CNTNAP2: variants seen among roughly 807,000 people sequenced by gnomAD.
The protein encoded by CNTNAP2 is contactin-associated protein-like 2.
CNTNAP2 carries 98 observed loss-of-function variants against 155.2 expected under a neutral mutation model. The ratio of observed to expected loss-of-function variants is 0.63; its 90% CI spans 0.54 to 0.75. CNTNAP2 has a LOEUF of 0.75. CNTNAP2 is among the 30% of genes least tolerant of loss of function. The pLI is 0.00. For synonymous variants in CNTNAP2, 651 were observed against 631.2 expected, an observed-to-expected ratio of 1.03 and a Z score of -0.47; for missense variants, 1,727 against 1,688.1, an observed-to-expected ratio of 1.02 and a Z score of -0.40.
At chr7:146,119,215 A>G (rs908578155) in intron 1 of CNTNAP2, among the ~76,000 whole-genome samples, 1 of 152,176 alleles carries the variant, frequency 6.6e-6, no homozygotes. Flanking sequence ...ATCTAAAACT[A>G]TCATTTTTCT....
chr7:147,522,778 A>AC (rs1799251048), intron 11 of CNTNAP2, among the ~76,000 whole-genome samples: 5 of 150,332 alleles, frequency 3.3e-5, no homozygotes, highest in South Asian at 2.1e-4. Context: ...CAAAAAAAAA[A>AC]CAAAAAAACA....
chr7:147,540,692 A>C (rs532643546), intron 11 of CNTNAP2, among the ~76,000 whole-genome samples: 1 of 152,088 alleles, frequency 6.6e-6, no homozygotes, highest in Non-Finnish European at 1.5e-5. Flanking sequence ...TAAGCTGGGC[A>C]TGGTGGCACG....
At chr7:146,270,946 G>A (rs1800072281) in intron 1 of CNTNAP2, among the ~76,000 whole-genome samples, 1 of 151,974 alleles carries the variant, frequency 6.6e-6, no homozygotes. Flanking sequence ...ACTATATAGA[G>A]TTATAGAAAT....
chr7:147,591,366 T>A (rs2116844192), intron 12 of CNTNAP2, among the ~76,000 whole-genome samples: 1 of 152,274 alleles, frequency 6.6e-6, no homozygotes, highest in South Asian at 2.1e-4. Flanking sequence ...TCTTTCCTCA[T>A]TTCCTCTTCT....
intron 13 of CNTNAP2, among the ~76,000 whole-genome samples, chr7:147,884,638 T>C (rs978380578): frequency 5.3e-5 from 8 of 152,176 alleles, no homozygotes; most frequent in Admixed American, 5.2e-4. Flanking sequence ...TTTCCTGCTG[T>C]TGTCAGGAAA....
chr7:147,295,551 T>C (rs767318791), intron 8 of CNTNAP2, among the ~76,000 whole-genome samples: 2 of 152,090 alleles, frequency 1.3e-5, no homozygotes, highest in African/African-American at 2.4e-5. Context: ...AAGCAAAGTA[T>C]CACCATGGCT....
chr7:148,045,247 A>G (rs1183986143), intron 15 of CNTNAP2, among the ~76,000 whole-genome samples: 2 of 151,992 alleles, frequency 1.3e-5, no homozygotes, highest in Admixed American at 6.6e-5. Flanking sequence ...AGAGATCACA[A>G]GAGACCTCAG....
intron 21 of CNTNAP2, among the ~76,000 whole-genome samples, chr7:148,347,020 G>T (rs1241825331): frequency 4.6e-5 from 7 of 151,952 alleles, no homozygotes; most frequent in African/African-American, 1.7e-4. Context: ...ACTTTGGGAG[G>T]CCGAGGCTGG....
In CNTNAP2 at chr7:146,871,559, T is replaced by C. The variant is rs575977626; in HGVS notation, c.402+31655T>C. 9.2e-4 allele frequency among the ~76,000 whole-genome samples: 140 copies of C among 151,512 alleles called. 1 individual carries two copies. The highest frequency in any genetic ancestry group is 3.2e-3 in the African/African-American group (134 of 41,382). On this transcript the variant is annotated intron_variant, in intron 3 of 23. Coordinates refer to ENST00000361727, the MANE Select transcript of CNTNAP2 (RefSeq NM_014141.6). ...AAAATAAATAAATAAATTAAATAAA[T>C]AAATTAAAAAATGATATAGCTACAT... is the stretch of plus-strand genomic sequence containing the variant.
intron 11 of CNTNAP2, among the ~76,000 whole-genome samples, chr7:147,502,904 A>G (rs1351536501): frequency 6.6e-6 from 1 of 152,192 alleles, no homozygotes. Flanking sequence ...TTTTGAGGCA[A>G]GGACTCTATT....
At position 147,207,326 on chromosome 7, in the gene CNTNAP2, G is replaced by C. The variant is rs141076326; in HGVS notation, c.1348+74817G>C. 3.5e-4 allele frequency among the ~76,000 whole-genome samples: 54 copies of C among 152,216 alleles called. No homozygotes were observed. The East Asian group carries it at 9.4e-3, about 27-fold the overall frequency. ...CAGTGGGGAATAGTTTACTACATTG[G>C]AGTATTCATTTGATGAGATTGTATG... On this transcript the variant is annotated intron_variant, in intron 8 of 23. Transcript: ENST00000361727.
intron 20 of CNTNAP2, among the ~76,000 whole-genome samples, chr7:148,259,355 CAAAA>C (rs1211859755): frequency 8.0e-6 from 1 of 124,906 alleles, no homozygotes. Flanking sequence ...GACCCTGCCT[CAAAA>C]AAAAAAAAAA....
intron 11 of CNTNAP2, among the ~76,000 whole-genome samples, chr7:147,519,837 C>T (rs2116704750): frequency 6.6e-6 from 1 of 152,316 alleles, no homozygotes; most frequent in African/African-American, 2.4e-5. Context: ...TGCACTCCAA[C>T]CTGGGCAACA....
In CNTNAP2 at chr7:147,434,126, C is replaced by A. The variant is rs187178201; in HGVS notation, c.1670+38346C>A. On this transcript the variant is annotated intron_variant, in intron 10 of 23. Transcript: ENST00000361727. ...AGCATAGAAAGTGAAGAAATATGTT[C>A]TTGATGCCTATTCAACTGGGTTTCC... Among the ~76,000 whole-genome samples, 571 of 152,274 alleles carry A rather than the reference C, an allele frequency of 3.7e-3. 2 individuals carry two copies. The highest frequency in any genetic ancestry group is 6.6e-3 in the Non-Finnish European group (448 of 68,014).
chr7:147,644,621 C>T (rs73164400), intron 13 of CNTNAP2, among the ~76,000 whole-genome samples: 8,243 of 152,104 alleles, frequency 0.054, 291 homozygotes, highest in Non-Finnish European at 0.074. Context: ...GACTCTGTCG[C>T]AAAACAAACA....
At chr7:148,141,328 A>C (rs1036323054) in intron 16 of CNTNAP2, among the ~76,000 whole-genome samples, 5 of 152,240 alleles carry the variant, frequency 3.3e-5, no homozygotes, top group Non-Finnish European at 4.4e-5. Flanking sequence ...TTTGAAAATA[A>C]CGTTTAGCTA....
chr7:148,054,676 A>G (rs1802975360), intron 15 of CNTNAP2, among the ~76,000 whole-genome samples: 1 of 152,010 alleles, frequency 6.6e-6, no homozygotes, highest in Non-Finnish European at 1.5e-5. Context: ...TCACATGGTC[A>G]ATAAGATCTA....
At chr7:148,360,501 C>A (rs1274245828) in intron 21 of CNTNAP2, among the ~76,000 whole-genome samples, 1 of 152,200 alleles carries the variant, frequency 6.6e-6, no homozygotes, top group Non-Finnish European at 1.5e-5. Flanking sequence ...TATCAGTAAA[C>A]CCTTGTAACT....
At chr7:147,832,025 C>T (rs1798554425) in intron 13 of CNTNAP2, 1 of 151,510 alleles carries the variant, frequency 6.6e-6, no homozygotes, top group East Asian at 1.9e-4. Flanking sequence ...AATAAGTTAA[C>T]ATTTTTTAAG....
Sources: allele counts gnomAD v4.1 joint callset (sites outside exome capture counted in the v4.1 genomes callset), GRCh38; gene constraint gnomAD v4.1.1; transcripts MANE v1.5; gene names NCBI Gene and HGNC (gene_info 2026-07-23, HGNC 2026-07-21).